Variants in KLKB1 observed in about 807,000 individuals in gnomAD.
KLKB1 encodes the protein kallikrein B1, also known as plasma kallikrein.
A neutral mutation model predicts 73.6 loss-of-function variants in KLKB1; 58 were observed. The ratio of observed to expected loss-of-function variants is 0.79; its 90% CI spans 0.64 to 0.98. KLKB1 has a LOEUF of 0.98. KLKB1 is among the 50% of genes least tolerant of loss of function. The probability of loss-of-function intolerance (pLI) is 0.00; values close to 1 mark genes in which losing one functional copy is unlikely to be tolerated. For missense variants in KLKB1, 737 were observed against 763.8 expected (o/e 0.96, Z 0.41); for synonymous variants, 280 against 258.1 (o/e 1.08, Z -0.81).
intron 6 of KLKB1, among the ~76,000 whole-genome samples, chr4:186,242,445 C>A (rs547401615): frequency 6.6e-6 from 1 of 151,776 alleles, no homozygotes; most frequent in Non-Finnish European, 1.5e-5. Context: ...CTGCTTCGAG[C>A]GGGATTAGGG....
At position 186,238,297 on chromosome 4, in the gene KLKB1, C is replaced by T; in HGVS notation, c.530C>T (p.Thr177Ile). 1 of 1,613,870 alleles carries T rather than the reference C, an allele frequency of 6.2e-7. No homozygotes were observed. The highest frequency in any genetic ancestry group is 8.5e-7 in the Non-Finnish European group (1 of 1,179,796). ...AAGTACAGTCCCGGAGGAACACCTA[C>T]CGCTATAAAGGTGCTGAGTAACGTG... ...LLKYSPGGTP[T>I]AIKVLSNVES... Residue 177 changes from threonine to isoleucine, a missense_variant, in exon 6 of 15, where the codon ACC becomes ATC. Coordinates refer to ENST00000264690, the MANE Select transcript of KLKB1 (RefSeq NM_000892.5).
chr4:186,256,835 G>A (rs899909183), intron 13 of KLKB1, among the ~76,000 whole-genome samples: 1 of 152,086 alleles, frequency 6.6e-6, no homozygotes, highest in African/African-American at 2.4e-5. Flanking sequence ...ATATAAAATG[G>A]GATTTCTGGG....
chr4:186,240,968 G>A (rs1162553982), intron 6 of KLKB1, among the ~76,000 whole-genome samples: 1 of 152,172 alleles, frequency 6.6e-6, no homozygotes, highest in Non-Finnish European at 1.5e-5. Context: ...ACACCTGGGA[G>A]AGCACCCTGG....
rs1441879220 is a variant in KLKB1, at chr4:186,238,153, G to A, written c.489-103G>A. The A allele has an allele frequency of 3.8e-6, 3 of 781,638 alleles. No individual in the cohort carries two copies. In the Admixed American group the frequency reaches 5.7e-5, roughly 15 times the overall value. The allele number at this position is 781,638 out of a possible 1,614,324, so 48.4% of individuals were successfully genotyped here. On this transcript the variant is annotated intron_variant, in intron 5 of 14. Transcript: ENST00000264690. ...GACCCCTAACCCACTCATTATCAGG[G>A]TCATTGTTTTTCCACTGTGCATTTT...
rs1269662873 is a variant in KLKB1 at position 186,232,270 on chromosome 4, A to G, written c.202A>G (p.Ile68Val). 7 of 1,613,990 alleles carry G rather than the reference A, an allele frequency of 4.3e-6. No individual in the cohort carries two copies. The highest frequency in any genetic ancestry group is 1.6e-4 in the Middle Eastern group (1 of 6,084). ...LLFSFLPASS[I>V]NDMEKRFGCF... ...ATTCAGTTTTCTTCCAGCAAGTTCA[A>G]TCAATGACATGGAGAAAAGGTAAAA... is the stretch of plus-strand genomic sequence containing the variant. The change falls in exon 3 of 15, where the codon ATC (isoleucine) becomes GTC (valine). Residue 68 changes from isoleucine (I) to valine (V), a missense_variant. By Grantham distance (29) the Ile-to-Val change is conservative (BLOSUM62 3). Transcript: ENST00000264690.
chr4:186,231,232 G>C (rs566068194), intron 2 of KLKB1, among the ~76,000 whole-genome samples: 2 of 152,324 alleles, frequency 1.3e-5, no homozygotes, highest in African/African-American at 4.8e-5. Context: ...GGTTGTCATT[G>C]GAATAGCCAT....
chr4:186,216,267 A>T (rs1367516009), intron 2 of KLKB1, among the ~76,000 whole-genome samples: 1 of 152,116 alleles, frequency 6.6e-6, no homozygotes, highest in Non-Finnish European at 1.5e-5. Context: ...TTACTCTTTC[A>T]TTCATAAAAG....
At chr4:186,231,775 G>GA (rs1000367094) in intron 2 of KLKB1, among the ~76,000 whole-genome samples, 11 of 152,310 alleles carry the variant, frequency 7.2e-5, no homozygotes, top group African/African-American at 2.4e-4. Flanking sequence ...AAAGTGTTTT[G>GA]AAAATAGAGC....
At chr4:186,232,504 T>C (rs923920517) in intron 3 of KLKB1, among the ~76,000 whole-genome samples, 8 of 152,224 alleles carry the variant, frequency 5.3e-5, no homozygotes, top group South Asian at 2.1e-4. Flanking sequence ...ATCTGCATTT[T>C]AAACAATCAC....
intron 14 of KLKB1, among the ~76,000 whole-genome samples, 181 bp downstream of exon 14, chr4:186,257,546 GAT>G (rs1170922454): frequency 1.3e-4 from 20 of 151,978 alleles, no homozygotes; most frequent in African/African-American, 4.6e-4. Context: ...TATTATTTAT[GAT>G]ATATGTCACA....
chr4:186,227,357 A>G (rs896303828), upstream of KLKB1: 20 of 152,186 alleles, frequency 1.3e-4, no homozygotes, highest in African/African-American at 4.8e-4. Flanking sequence ...TCCTATTCCT[A>G]TTCTTGCTGA....
rs75552988 is a variant in KLKB1, at chr4:186,251,208, A to T, written c.759-11A>T. 9.4e-3 allele frequency: 12,671 copies of T among 1,347,220 alleles called. 674 individuals carry two copies. In the African/African-American group the frequency reaches 0.15, roughly 16 times the overall value. The allele number at this position is 1,347,220 out of a possible 1,614,324, so 83.5% of individuals were successfully genotyped here. A position where few individuals can be genotyped will look rare whatever the true frequency, so the allele number is the denominator to read the frequency against. ...CTTTCTTTCTCTCTTGCTTTTTTTT[A>T]AAAAAAATAGAAATGTTTGTCTTCT... On this transcript the variant is annotated splice_polypyrimidine_tract_variant and intron_variant, in intron 7 of 14. Transcript: ENST00000264690.
At chr4:186,242,928 G>GCA (rs1738129152) in intron 6 of KLKB1, among the ~76,000 whole-genome samples, 1 of 113,258 alleles carries the variant, frequency 8.8e-6, no homozygotes, top group African/African-American at 3.1e-5. Flanking sequence ...AGGCCGGTCT[G>GCA]TTATCGGATT....
chr4:186,217,076 A>C (rs1246532750), intron 2 of KLKB1, among the ~76,000 whole-genome samples: 2 of 152,156 alleles, frequency 1.3e-5, no homozygotes. Flanking sequence ...GCCTCTTTTC[A>C]ATTTAGTTCT....
At chr4:186,254,274 C>CATG (rs2126676221) in intron 11 of KLKB1, among the ~76,000 whole-genome samples, 2 of 152,320 alleles carry the variant, frequency 1.3e-5, no homozygotes, top group East Asian at 3.9e-4. Context: ...TTAATTTTTC[C>CATG]ATGATAAACT....
At chr4:186,248,112 A>G (rs2137145) in intron 6 of KLKB1, among the ~76,000 whole-genome samples, 123,296 of 152,118 alleles carry the variant, frequency 0.81, 50,103 homozygotes, top group East Asian at 0.92. Context: ...GCTGGGCATG[A>G]TGGCAGATGC....
chr4:186,231,360 A>G (rs1737391742), intron 2 of KLKB1, among the ~76,000 whole-genome samples: 1 of 152,256 alleles, frequency 6.6e-6, no homozygotes, highest in Non-Finnish European at 1.5e-5. Context: ...TAAAGCCAGT[A>G]AAGACACCGA....
chr4:186,212,670 C>T (rs1051444657), intron 2 of KLKB1: 1 of 152,208 alleles, frequency 6.6e-6, no homozygotes, highest in Non-Finnish European at 1.5e-5. Context: ...TGTTATGCTC[C>T]TGATAGCCAA....
In KLKB1 at chr4:186,234,051, A is replaced by G. The variant is rs769395980; in HGVS notation, c.321A>G (p.Gln107=). 6.2e-7 allele frequency: 1 copy of G among 1,608,962 alleles called. No homozygotes were observed. Among genetic ancestry groups the G allele is most frequent in the Admixed American group, 1.7e-5 (1 of 60,006 alleles). The change falls in exon 4 of 15, where the codon CAA becomes CAG. Residue 107 remains glutamine (Q), a synonymous_variant. Transcript: ENST00000264690. ...ATTCCTTGAAGCAATGTGGTCATCA[A>G]ATAAGTGGTAAGTTGTGAATTTCTT... ...SGHSLKQCGH[Q]ISACHRDIYK... is the part of the protein sequence containing the mutation.
Sources: allele counts gnomAD v4.1 joint callset (sites outside exome capture counted in the v4.1 genomes callset), GRCh38; gene constraint gnomAD v4.1.1; transcripts MANE v1.5; gene names NCBI Gene and HGNC (gene_info 2026-07-23, HGNC 2026-07-21).